Variants in PHACTR4 observed in about 807,000 individuals in gnomAD.
PHACTR4 encodes the protein phosphatase and actin regulator 4, also known as protein phosphatase 1, regulatory subunit 124.
A neutral mutation model predicts 72.7 loss-of-function variants in PHACTR4; 51 were observed. The ratio of observed to expected loss-of-function variants is 0.70; its 90% CI spans 0.56 to 0.89. The LOEUF is 0.89. PHACTR4 is among the 40% of genes least tolerant of loss of function. PHACTR4 has a pLI of 0.00. For missense variants in PHACTR4, 731 were observed against 861.8 expected (o/e 0.85, Z 1.90); for synonymous variants, 255 against 302.5 (o/e 0.84, Z 1.63).
intron 1 of PHACTR4, among the ~76,000 whole-genome samples, chr1:28,390,653 C>T (rs917616982): frequency 3.3e-5 from 5 of 151,724 alleles, no homozygotes; most frequent in Non-Finnish European, 5.9e-5. Flanking sequence ...ATTAGCCGGG[C>T]GTGGTGGCCC....
At chr1:28,403,280 C>T (rs1439368681) in intron 1 of PHACTR4, among the ~76,000 whole-genome samples, 2 of 152,166 alleles carry the variant, frequency 1.3e-5, no homozygotes, top group Non-Finnish European at 2.9e-5. Context: ...TAGTGGACCC[C>T]ACGGGGGCTC....
chr1:28,376,174 CT>C (rs923424770), intron 1 of PHACTR4, among the ~76,000 whole-genome samples: 11 of 151,572 alleles, frequency 7.3e-5, no homozygotes, highest in African/African-American at 2.7e-4. Flanking sequence ...CTTTCTTTTT[CT>C]TTTTTTTCAC....
At chr1:28,408,921 C>G (rs1381428425) in intron 2 of PHACTR4, among the ~76,000 whole-genome samples, 1 of 149,978 alleles carries the variant, frequency 6.7e-6, no homozygotes, top group African/African-American at 2.5e-5. Flanking sequence ...CTCAAGGGAT[C>G]CACCTGCCTT....
At chr1:28,374,881 C>T (rs897361071) in intron 1 of PHACTR4, among the ~76,000 whole-genome samples, 1 of 152,190 alleles carries the variant, frequency 6.6e-6, no homozygotes, top group African/African-American at 2.4e-5. Context: ...GTTTTCTTGT[C>T]TTTAACATGG....
chr1:28,448,862 C>CG (rs1407459720), intron 2 of PHACTR4, among the ~76,000 whole-genome samples: 1 of 12,266 alleles, frequency 8.2e-5, no homozygotes, highest in Non-Finnish European at 1.8e-4. Flanking sequence ...TCAAGTAAAG[C>CG]GGGGGGCGGG....
intron 2 of PHACTR4, among the ~76,000 whole-genome samples, chr1:28,438,942 T>G (rs1656812722): frequency 6.6e-6 from 1 of 152,216 alleles, no homozygotes. Flanking sequence ...AAGTCAACAC[T>G]TTGATATAAA....
At chr1:28,396,971 G>C (rs966464183) in intron 1 of PHACTR4, among the ~76,000 whole-genome samples, 1 of 151,592 alleles carries the variant, frequency 6.6e-6, no homozygotes, top group Non-Finnish European at 1.5e-5. Context: ...GGGATTGCAG[G>C]TGTGAGCCAC....
chr1:28,397,011 A>G (rs1653568712), intron 1 of PHACTR4, among the ~76,000 whole-genome samples: 1 of 151,930 alleles, frequency 6.6e-6, no homozygotes, highest in Non-Finnish European at 1.5e-5. Flanking sequence ...CTTTTAAATC[A>G]AGTCCAAGAA....
intron 2 of PHACTR4, among the ~76,000 whole-genome samples, chr1:28,450,247 G>C (rs1657841472): frequency 6.6e-6 from 1 of 151,092 alleles, no homozygotes; most frequent in South Asian, 2.1e-4. Context: ...ACTATACCCA[G>C]CATCCTACAC....
chr1:28,407,185 T>C (rs1026722175), intron 1 of PHACTR4, among the ~76,000 whole-genome samples: 3 of 150,302 alleles, frequency 2.0e-5, no homozygotes, highest in Non-Finnish European at 4.4e-5. Context: ...GAGGCTGACA[T>C]GGGAGGCTCA....
intron 2 of PHACTR4, among the ~76,000 whole-genome samples, chr1:28,456,012 A>G (rs546202403): frequency 6.6e-6 from 1 of 152,218 alleles, no homozygotes; most frequent in East Asian, 1.9e-4. Context: ...TTTTTTATAC[A>G]TATTTTGCTT....
intron 1 of PHACTR4, among the ~76,000 whole-genome samples, chr1:28,393,700 T>C (rs575883677): frequency 2.0e-5 from 3 of 148,838 alleles, no homozygotes; most frequent in South Asian, 2.1e-4. Flanking sequence ...CACACACACA[T>C]ATTTTTATTT....
chr1:28,392,670 G>C (rs1653150703), intron 1 of PHACTR4, among the ~76,000 whole-genome samples: 2 of 151,968 alleles, frequency 1.3e-5, no homozygotes, highest in Non-Finnish European at 1.5e-5. Context: ...TGGGATTACA[G>C]GTGTGAGCCA....
At chr1:28,415,901 TA>T (rs553311580) in intron 2 of PHACTR4, among the ~76,000 whole-genome samples, 7 of 152,198 alleles carry the variant, frequency 4.6e-5, no homozygotes, top group Non-Finnish European at 1.0e-4. Context: ...CAAAGTCAAT[TA>T]TTTTTTTCTT....
intron 9 of PHACTR4, among the ~76,000 whole-genome samples, chr1:28,484,163 A>T (rs1352440932): frequency 6.6e-6 from 1 of 152,150 alleles, no homozygotes; most frequent in Non-Finnish European, 1.5e-5. Context: ...TCTACTAAAA[A>T]TACAAAAATT....
chr1:28,423,785 CAA>C (rs1309424194), intron 2 of PHACTR4, among the ~76,000 whole-genome samples: 5 of 152,098 alleles, frequency 3.3e-5, no homozygotes, highest in Non-Finnish European at 7.4e-5. Context: ...AAGAATTAGA[CAA>C]GTTAGTATAT....
chr1:28,466,347 T>C (rs1659166093), intron 5 of PHACTR4, 35 bp from the exon 6 acceptor site: 12 of 1,566,886 alleles, frequency 7.7e-6, no homozygotes, highest in Non-Finnish European at 1.0e-5. Flanking sequence ...TGTTACTCTC[T>C]CTTCCCTTTT....
chr1:28,462,566 G>C (rs1430466679), intron 4 of PHACTR4, among the ~76,000 whole-genome samples: 1 of 151,578 alleles, frequency 6.6e-6, no homozygotes, highest in Non-Finnish European at 1.5e-5. Flanking sequence ...GGGTTTCACC[G>C]TTTTGGCCAG....
At chr1:28,447,961 C>G (rs566500226) in intron 2 of PHACTR4, among the ~76,000 whole-genome samples, 2 of 151,906 alleles carry the variant, frequency 1.3e-5, no homozygotes, top group African/African-American at 4.8e-5. Context: ...GTAATTTTGC[C>G]GAAGTTTTCT....
Sources: allele counts gnomAD v4.1 joint callset (sites outside exome capture counted in the v4.1 genomes callset), GRCh38; gene constraint gnomAD v4.1.1; transcripts MANE v1.5; gene names NCBI Gene and HGNC (gene_info 2026-07-23, HGNC 2026-07-21).